Variants in SELENON observed in about 807,000 individuals in gnomAD.
The protein encoded by SELENON is selenoprotein N, 1.
In SELENON, 44 loss-of-function variants were observed where a neutral mutation model predicts 59.5. That is an observed-to-expected ratio of 0.74 (90% CI 0.58 to 0.95). The LOEUF (loss-of-function observed/expected upper bound fraction) is 0.95. SELENON is among the 40% of genes least tolerant of loss of function. The pLI is 0.00. For missense variants in SELENON, 674 were observed against 721.4 expected (o/e 0.93, Z 0.75); for synonymous variants, 320 against 305.6 (o/e 1.05, Z -0.49).
At chr1:25,805,041 C>A in intron 3 of SELENON, 101 bp from the exon 3 acceptor site, 1 of 1,518,984 alleles carries the variant, frequency 6.6e-7, no homozygotes, top group Non-Finnish European at 9.1e-7. Context: ...CTACCCCCAC[C>A]CCCTGCCTGG....
chr1:25,808,515 C>T, intron 4 of SELENON, 65 bp from the exon 4 acceptor site: 1 of 1,586,038 alleles, frequency 6.3e-7, no homozygotes, highest in Non-Finnish European at 8.6e-7. Flanking sequence ...CCTCCACCCA[C>T]ATGGTACAGG....
chr1:25,806,160 G>A (rs999283086), intron 4 of SELENON, among the ~76,000 whole-genome samples: 1 of 152,230 alleles, frequency 6.6e-6, no homozygotes, highest in Non-Finnish European at 1.5e-5. Flanking sequence ...GTGCCAGGCT[G>A]GTCACTGAGG....
At chr1:25,804,896 G>A (rs1367747788) in intron 3 of SELENON, among the ~76,000 whole-genome samples, 1 of 152,164 alleles carries the variant, frequency 6.6e-6, no homozygotes, top group African/African-American at 2.4e-5. Flanking sequence ...GTGACCTGGG[G>A]AAGTGACTTT....
chr1:25,813,496 TTG>T (rs2124453899), intron 10 of SELENON: 1 of 365,120 alleles, frequency 2.7e-6, no homozygotes, highest in East Asian at 7.3e-5. Flanking sequence ...AGGGAAGGCT[TTG>T]TGAAGACAGT....
At chr1:25,809,639 G>T in intron 6 of SELENON, 44 bp from the exon 6 acceptor site, 1 of 1,610,800 alleles carries the variant, frequency 6.2e-7, no homozygotes, top group Non-Finnish European at 8.5e-7. Flanking sequence ...GGCTCCTGGG[G>T]AGAAGGTGGG....
chr1:25,816,538 C>T lies in SELENON; in HGVS notation c.*820C>T, dbSNP rs2048012610. ...TCTTGCCCCTCAGACCTTGCATCCA[C>T]AGAAGCACAACCCAGCCAAACACCA... On this transcript the variant is annotated 3_prime_UTR_variant, in exon 13 of 13. Transcript: ENST00000361547. The T allele has an allele frequency of 6.5e-6, 1 of 152,822 alleles. No homozygotes were observed. The highest frequency in any genetic ancestry group is 2.4e-5 in the African/African-American group (1 of 41,446). The allele number at this position is 152,822 out of a possible 1,614,324, so 9.5% of individuals were successfully genotyped here. A position where few individuals can be genotyped will look rare whatever the true frequency, so the allele number is the denominator to read the frequency against.
At chr1:25,808,058 G>T (rs552431120) in intron 4 of SELENON, among the ~76,000 whole-genome samples, 72 of 152,336 alleles carry the variant, frequency 4.7e-4, no homozygotes, top group African/African-American at 1.6e-3. Flanking sequence ...ATCGGACTTA[G>T]CTCCAAACCG....
chr1:25,814,726 T>A (rs1400303405), intron 12 of SELENON, among the ~76,000 whole-genome samples: 3 of 152,230 alleles, frequency 2.0e-5, no homozygotes, highest in African/African-American at 7.2e-5. Context: ...TAAGTGCAGC[T>A]GGCTTTGAAC....
chr1:25,805,654 C>G (rs546495302), intron 4 of SELENON, among the ~76,000 whole-genome samples: 1 of 147,882 alleles, frequency 6.8e-6, no homozygotes, highest in Non-Finnish European at 1.5e-5. Flanking sequence ...TTCCCACACA[C>G]TATGATGATT....
At chr1:25,806,947 G>A (rs948943743) in intron 4 of SELENON, among the ~76,000 whole-genome samples, 1 of 151,162 alleles carries the variant, frequency 6.6e-6, no homozygotes, top group Admixed American at 6.6e-5. Context: ...TCAGCCTCCC[G>A]AGTAGCTGGG....
chr1:25,806,091 C>T (rs1252848986), intron 4 of SELENON, among the ~76,000 whole-genome samples: 2 of 152,256 alleles, frequency 1.3e-5, no homozygotes, highest in Admixed American at 6.5e-5. Flanking sequence ...CACAGCCCGA[C>T]CCAGCCTTTT....
intron 1 of SELENON, among the ~76,000 whole-genome samples, chr1:25,800,659 C>G (rs1488629131): frequency 1.3e-5 from 2 of 151,844 alleles, no homozygotes; most frequent in African/African-American, 4.8e-5. Flanking sequence ...GGTCTCTATC[C>G]AGAGGGGTGA....
At chr1:25,812,877 C>A in intron 10 of SELENON, 85 bp downstream of exon 9, 1 of 1,062,328 alleles carries the variant, frequency 9.4e-7, no homozygotes, top group South Asian at 1.4e-5. Flanking sequence ...CAATGGGACT[C>A]TTCTGTTGAG....
chr1:25,801,267 G>A (rs763225853), intron 2 of SELENON, 107 bp downstream of exon 2: 56 of 870,864 alleles, frequency 6.4e-5, no homozygotes, highest in Non-Finnish European at 1.0e-4. Flanking sequence ...GGATCTCAGA[G>A]GCCCTGGACT....
rs374195814 is a variant in SELENON, at chr1:25,809,038, C to G, written c.760C>G (p.Arg254Gly). Residue 254 changes from arginine to glycine, a missense_variant, in exon 6 of 13, where the codon CGG becomes GGG. Transcript: ENST00000361547. ...CCGCCGCCCCCAGGTCATCATCCACCGGCTCCTGAGCATGTTCCACCCTCG... is the reference window on the plus strand; with the variant it reads ...CCGCCGCCCCCAGGTCATCATCCACGGGCTCCTGAGCATGTTCCACCCTCG... 40 of 1,613,626 alleles carry G rather than the reference C, an allele frequency of 2.5e-5. No individual in the cohort carries two copies. The highest frequency in any genetic ancestry group is 1.6e-4 in the Middle Eastern group (1 of 6,084).
intron 2 of SELENON, among the ~76,000 whole-genome samples, chr1:25,801,517 G>A (rs61774989): frequency 0.19 from 28,825 of 151,996 alleles, 3,323 homozygotes; most frequent in East Asian, 0.33. Flanking sequence ...AAAATTAGCC[G>A]GGTGTGGTGG....
Position 25,800,256 on chromosome 1 carries a change from G to A in SELENON, c.26G>A (p.Arg9His). 2.2e-6 allele frequency: 2 copies of A among 921,894 alleles called. No homozygotes were observed. Among genetic ancestry groups the A allele is most frequent in the Non-Finnish European group, 2.6e-6 (2 of 775,314 alleles). 57.1% of individuals were successfully genotyped at this position (921,894 alleles called of 1,614,324 possible). Residue 9 changes from arginine (R) to histidine (H), a missense_variant, in exon 1 of 13, where the codon CGC becomes CAC. Transcript: ENST00000361547. ...ATGGGCCGGGCCCGGCCGGGCCAAC[G>A]CGGGCCGCCCAGCCCCGGCCCCGCC...
At position 25,807,920 on chromosome 1, in the gene SELENON, C is replaced by T. The variant is rs146350039; in HGVS notation, c.538-660C>T. On this transcript the variant is annotated intron_variant, in intron 4 of 12. Coordinates refer to ENST00000361547, the MANE Select transcript of SELENON (RefSeq NM_020451.3). The surrounding 1 kb of genome is among the most constrained non-coding windows in gnomAD (Gnocchi z 4.5). Reference sequence around the variant, plus strand: ...ACTCGGGCTTAGGGAAGGCCTTTTGCCCAGGGTGGGGCAGGCTGTACTTAA... The same window carrying T: ...ACTCGGGCTTAGGGAAGGCCTTTTGTCCAGGGTGGGGCAGGCTGTACTTAA... Among the ~76,000 whole-genome samples, 67 of 152,352 alleles carry T rather than the reference C, an allele frequency of 4.4e-4. No individual in the cohort carries two copies. Among genetic ancestry groups the T allele is most frequent in the Non-Finnish European group, 6.9e-4 (47 of 68,044 alleles).
intron 10 of SELENON, 121 bp from the exon 10 acceptor site, chr1:25,813,760 C>T (rs1439371418): frequency 6.4e-6 from 5 of 776,682 alleles, no homozygotes; most frequent in Non-Finnish European, 9.4e-6. Flanking sequence ...ACCTCAGGCT[C>T]TTTGAATCTG....
Sources: allele counts gnomAD v4.1 joint callset (sites outside exome capture counted in the v4.1 genomes callset), GRCh38; gene constraint gnomAD v4.1.1; non-coding constraint Gnocchi (gnomAD v3.1); transcripts MANE v1.5; gene names NCBI Gene and HGNC (gene_info 2026-07-23, HGNC 2026-07-21).